The following EYA2 variants were observed in gnomAD, a reference collection of about 807,000 sequenced individuals.
The protein encoded by EYA2 is EYA transcriptional coactivator and phosphatase 2.
In EYA2, 31 loss-of-function variants were observed where a neutral mutation model predicts 69.2. The ratio of observed to expected loss-of-function variants is 0.45; its 90% CI spans 0.34 to 0.60. The LOEUF is 0.60. Ranked by LOEUF, EYA2 falls within the 20% of genes least tolerant of loss-of-function variation. The pLI is 0.02. For synonymous variants in EYA2, 257 were observed against 279.4 expected (o/e 0.92, Z 0.80); for missense variants, 622 against 701.2 (o/e 0.89, Z 1.28).
chr20:47,169,048 C>A (rs2034263923), intron 10 of EYA2, 91 bp from the exon 11 acceptor site: 3 of 1,162,054 alleles, frequency 2.6e-6, no homozygotes, highest in African/African-American at 3.0e-5. Flanking sequence ...CTCATCCCAG[C>A]CCTCAGCTTA....
At chr20:46,917,316 C>T (rs1410196677) in intron 1 of EYA2, among the ~76,000 whole-genome samples, 1 of 152,166 alleles carries the variant, frequency 6.6e-6, no homozygotes, top group African/African-American at 2.4e-5. Flanking sequence ...GCACAGACTC[C>T]CTGCCAAGAG....
intron 2 of EYA2, among the ~76,000 whole-genome samples, chr20:47,000,374 G>A (rs570122292): frequency 1.3e-5 from 2 of 152,296 alleles, no homozygotes; most frequent in South Asian, 2.1e-4. Flanking sequence ...CTAGGAAGTG[G>A]CAGAGTTGCA....
rs2032276965 is a variant in EYA2, at chr20:47,097,254, T to C, written c.888+86T>C. On this transcript the variant is annotated intron_variant, in intron 9 of 15. Transcript: ENST00000327619. ...TTTGTCCTGGAAATTGTGCGGACAG[T>C]TTATGAGGCAGCTTCTCCAACAAAA... is the stretch of plus-strand genomic sequence containing the variant. 2.9e-6 allele frequency: 3 copies of C among 1,035,168 alleles called. No homozygotes were observed. The South Asian group carries it at 4.6e-5, about 16-fold the overall frequency. The allele number at this position is 1,035,168 out of a possible 1,614,324, so 64.1% of individuals were successfully genotyped here. A position where few individuals can be genotyped will look rare whatever the true frequency, so the allele number is the denominator to read the frequency against.
chr20:47,099,591 A>T (rs11086193), intron 9 of EYA2, among the ~76,000 whole-genome samples: 16,731 of 152,264 alleles, frequency 0.11, 996 homozygotes, highest in South Asian at 0.18. Context: ...AGGTTTCTTC[A>T]TATATGTACA....
intron 1 of EYA2, among the ~76,000 whole-genome samples, chr20:46,967,886 A>G (rs1378751961): frequency 1.3e-5 from 2 of 152,186 alleles, no homozygotes; most frequent in Non-Finnish European, 2.9e-5. Flanking sequence ...GTGGTGGCAT[A>G]GACAGCAGCC....
At chr20:47,135,810 T>C (rs1459596690) in intron 9 of EYA2, among the ~76,000 whole-genome samples, 3 of 79,332 alleles carry the variant, frequency 3.8e-5, no homozygotes, top group Admixed American at 2.4e-4. Flanking sequence ...AAGGAGACCC[T>C]GTCTCTACAA....
chr20:47,132,852 T>A (rs1473202913), intron 9 of EYA2, among the ~76,000 whole-genome samples: 5 of 151,712 alleles, frequency 3.3e-5, no homozygotes, highest in Non-Finnish European at 7.4e-5. Flanking sequence ...CACCTTGGGG[T>A]GGGGGTAGCA....
chr20:47,142,561 C>T (rs777619425), intron 9 of EYA2, among the ~76,000 whole-genome samples: 41 of 152,160 alleles, frequency 2.7e-4, no homozygotes, highest in African/African-American at 6.8e-4. Context: ...TGTTGGATAA[C>T]AGGGATTTTT....
rs112352839 is a variant in EYA2 at position 47,142,064 on chromosome 20, G to A, written c.889-995G>A. Among the ~76,000 whole-genome samples, 80 of 152,258 alleles carry A rather than the reference G, an allele frequency of 5.3e-4. No individual in the cohort carries two copies. The South Asian group carries it at 8.1e-3, about 15-fold the overall frequency. ...TTGAACAGGGAGGGTATGTGTCAGC[G>A]GCTGGATGGTAAATATTTTAGGCTT... On this transcript the variant is annotated intron_variant, in intron 9 of 15. Transcript: ENST00000327619.
chr20:46,952,229 G>A (rs1250576299), intron 1 of EYA2, among the ~76,000 whole-genome samples: 4 of 152,062 alleles, frequency 2.6e-5, no homozygotes, highest in Admixed American at 6.5e-5. Flanking sequence ...GAGAGCCGTG[G>A]GCATGTCTGA....
At chr20:47,096,413 C>A (rs2032248042) in intron 8 of EYA2, among the ~76,000 whole-genome samples, 1 of 152,176 alleles carries the variant, frequency 6.6e-6, no homozygotes, top group Non-Finnish European at 1.5e-5. Context: ...GGTAAAGCTA[C>A]AGCTGATAGA....
At chr20:46,987,461 C>T (rs990602982) in intron 1 of EYA2, among the ~76,000 whole-genome samples, 2 of 152,158 alleles carry the variant, frequency 1.3e-5, no homozygotes, top group African/African-American at 4.8e-5. Flanking sequence ...GTCTGAGCCC[C>T]CCAGGTGCCA....
intron 10 of EYA2, among the ~76,000 whole-genome samples, chr20:47,147,786 C>T (rs185559295): frequency 1.2e-3 from 184 of 152,238 alleles, no homozygotes; most frequent in Non-Finnish European, 1.2e-3. Context: ...TGGCCTGGTG[C>T]GGTGGCTCAC....
intron 1 of EYA2, among the ~76,000 whole-genome samples, chr20:46,932,241 C>T (rs756670109): frequency 2.0e-5 from 3 of 152,142 alleles, no homozygotes; most frequent in Non-Finnish European, 4.4e-5. Flanking sequence ...CGTCTACTTC[C>T]TCCACCTGGC....
chr20:47,170,338 C>G (rs2034292571), intron 11 of EYA2, among the ~76,000 whole-genome samples: 1 of 152,074 alleles, frequency 6.6e-6, no homozygotes, highest in South Asian at 2.1e-4. Context: ...AATCAGGTAA[C>G]CCATTGCTTA....
At chr20:47,032,733 T>C (rs2146400106) in intron 5 of EYA2, among the ~76,000 whole-genome samples, 1 of 152,342 alleles carries the variant, frequency 6.6e-6, no homozygotes, top group Admixed American at 6.5e-5. Context: ...CTTGATTTTC[T>C]CATCTGTGAA....
intron 9 of EYA2, among the ~76,000 whole-genome samples, chr20:47,101,440 T>G (rs753086132): frequency 1.3e-5 from 2 of 152,222 alleles, no homozygotes; most frequent in Non-Finnish European, 2.9e-5. Flanking sequence ...ACTTCTGCTC[T>G]TATCCTATTG....
chr20:47,163,544 C>A (rs6124953), intron 10 of EYA2, among the ~76,000 whole-genome samples: 51,898 of 151,194 alleles, frequency 0.34, 9,209 homozygotes, highest in Non-Finnish European at 0.4. Context: ...ACTAAAAATA[C>A]AAAATTAGCT....
chr20:47,105,398 G>A (rs1242294800), intron 9 of EYA2, among the ~76,000 whole-genome samples: 3 of 152,178 alleles, frequency 2.0e-5, no homozygotes, highest in African/African-American at 4.8e-5. Flanking sequence ...GCTGAGGCAG[G>A]CAGATCACTT....
Sources: allele counts gnomAD v4.1 joint callset (sites outside exome capture counted in the v4.1 genomes callset), GRCh38; gene constraint gnomAD v4.1.1; transcripts MANE v1.5; gene names NCBI Gene and HGNC (gene_info 2026-07-23, HGNC 2026-07-21).